The following EPB41L5 variants were observed in gnomAD, a reference collection of about 807,000 sequenced individuals.
The protein encoded by EPB41L5 is band 4.1-like protein 5.
In EPB41L5, 55 loss-of-function variants were observed where a neutral mutation model predicts 106.6. The observed-to-expected ratio is 0.52, with a 90% CI of 0.42 to 0.65. The LOEUF (loss-of-function observed/expected upper bound fraction) is 0.65. EPB41L5 is among the 30% of genes least tolerant of loss of function. EPB41L5 has a pLI of 0.00. For synonymous variants in EPB41L5, 297 were observed against 306.7 expected (o/e 0.97, Z 0.33); for missense variants, 871 against 882.1 (o/e 0.99, Z 0.16).
intron 3 of EPB41L5, among the ~76,000 whole-genome samples, chr2:120,054,732 C>T (rs2105260312): frequency 6.6e-6 from 1 of 152,218 alleles, no homozygotes; most frequent in East Asian, 1.9e-4. Flanking sequence ...TCCAGTGATC[C>T]TAACACCACT....
intron 3 of EPB41L5, among the ~76,000 whole-genome samples, chr2:120,050,807 T>C (rs1183233273): frequency 6.6e-6 from 1 of 152,206 alleles, no homozygotes; most frequent in Non-Finnish European, 1.5e-5. Flanking sequence ...CTTTGGTCTT[T>C]GATGATGGTG....
chr2:120,045,580 C>A lies in EPB41L5; in HGVS notation c.285+3470C>A, dbSNP rs114553796. On this transcript the variant is annotated intron_variant, in intron 3 of 24. Transcript: ENST00000263713. Reference sequence around the variant, plus strand: ...AGTACCACCATCTTGTCTCCTTAGACTGTATTCAGATAATGTTAACTGTTC... The same window carrying A: ...AGTACCACCATCTTGTCTCCTTAGAATGTATTCAGATAATGTTAACTGTTC... Among the ~76,000 whole-genome samples, 1,193 of 152,282 alleles carry A rather than the reference C, an allele frequency of 7.8e-3. 16 individuals are homozygous for A. Among genetic ancestry groups the A allele is most frequent in the African/African-American group, 0.027 (1,122 of 41,558 alleles).
chr2:120,111,114 G>A (rs543899580), intron 16 of EPB41L5, among the ~76,000 whole-genome samples: 2 of 152,194 alleles, frequency 1.3e-5, no homozygotes, highest in South Asian at 4.1e-4. Flanking sequence ...TCTGACCCGA[G>A]ATCCCATGTT....
chr2:120,091,618 A>C lies in EPB41L5; in HGVS notation c.1107A>C (p.Arg369Ser), dbSNP rs1350624281. 3.7e-6 allele frequency: 6 copies of C among 1,613,786 alleles called. No homozygotes were observed. Among genetic ancestry groups the C allele is most frequent in the Non-Finnish European group, 5.1e-6 (6 of 1,179,852 alleles). ...NKARRSTSFE[R>S]RPSKRYSRRT... ...CAAGAAGATCAACATCCTTTGAAAG[A>C]AGGCCCAGCAAACGATATTCTAGAC... The change falls in exon 13 of 25, where the codon AGA (arginine) becomes AGC (serine). Residue 369 changes from arginine to serine, a missense_variant. Coordinates refer to ENST00000263713, the MANE Select transcript of EPB41L5 (RefSeq NM_020909.4).
chr2:120,099,505 G>A (rs1490775721), intron 14 of EPB41L5, among the ~76,000 whole-genome samples: 1 of 151,760 alleles, frequency 6.6e-6, no homozygotes, highest in Non-Finnish European at 1.5e-5. Context: ...TCAGCTCACT[G>A]CAAGCTCCAC....
At chr2:120,156,106 G>A (rs1026283125) in intron 20 of EPB41L5, among the ~76,000 whole-genome samples, 2 of 152,150 alleles carry the variant, frequency 1.3e-5, no homozygotes, top group Non-Finnish European at 2.9e-5. Context: ...CATCCCCCTA[G>A]GGTCAACTTG....
At chr2:120,050,208 C>A (rs1680132540) in intron 3 of EPB41L5, among the ~76,000 whole-genome samples, 3 of 152,152 alleles carry the variant, frequency 2.0e-5, no homozygotes, top group Admixed American at 2.0e-4. Flanking sequence ...TGAATGTTGG[C>A]CTGCCTCGCT....
intron 3 of EPB41L5, among the ~76,000 whole-genome samples, chr2:120,044,858 T>G (rs911099316): frequency 3.3e-5 from 5 of 152,224 alleles, no homozygotes; most frequent in Admixed American, 2.6e-4. Flanking sequence ...TACTTCATTT[T>G]ATTTTTGCTT....
chr2:120,105,559 A>G (rs1439327220), intron 16 of EPB41L5: 1 of 985,252 alleles, frequency 1.0e-6, no homozygotes, highest in South Asian at 4.7e-5. Flanking sequence ...AGAACTGACT[A>G]ATATTTAAAG....
At position 120,136,640 on chromosome 2, in the gene EPB41L5, A is replaced by G. The variant is rs561352995; in HGVS notation, c.1599+4925A>G. On this transcript the variant is annotated intron_variant, in intron 18 of 24. Transcript: ENST00000263713. ...TAAAACTGATTTTGAGACAAAAACC[A>G]TAAAAAGACAAAGAAGGTCATTATA... 2.6e-5 allele frequency among the ~76,000 whole-genome samples: 4 copies of G among 152,224 alleles called. No individual in the cohort carries two copies. The South Asian group carries it at 8.3e-4, about 32-fold the overall frequency.
At position 120,022,358 on chromosome 2, in the gene EPB41L5, G is replaced by C. The variant is rs888949094; in HGVS notation, c.180+3094G>C. Among the ~76,000 whole-genome samples, 4 of 150,498 alleles carry C rather than the reference G, an allele frequency of 2.7e-5. No individual in the cohort carries two copies. The East Asian group carries it at 7.8e-4, about 29-fold the overall frequency. ...AACCCCCCACCCCCCGACAGGCCCT[G>C]GTGTGTGATGTTCTCCTCCCTGTGT... On this transcript the variant is annotated intron_variant, in intron 2 of 24. Transcript: ENST00000263713.
chr2:120,065,400 C>T (rs1681378024), intron 3 of EPB41L5, among the ~76,000 whole-genome samples: 1 of 151,996 alleles, frequency 6.6e-6, no homozygotes, highest in South Asian at 2.1e-4. Flanking sequence ...TGATTATAAG[C>T]AAGAGCTACT....
chr2:120,065,640 C>T (rs1681396341), intron 3 of EPB41L5, among the ~76,000 whole-genome samples: 1 of 151,830 alleles, frequency 6.6e-6, no homozygotes, highest in African/African-American at 2.4e-5. Flanking sequence ...CCTCAGCCTC[C>T]CGAGTAGCTG....
intron 2 of EPB41L5, among the ~76,000 whole-genome samples, chr2:120,028,156 G>A (rs910482003): frequency 3.3e-5 from 5 of 151,932 alleles, no homozygotes; most frequent in East Asian, 3.9e-4. Context: ...GAGCCACCGC[G>A]CCCGGCCGGA....
chr2:120,106,539 C>T (rs1684463347), intron 16 of EPB41L5: 1 of 985,248 alleles, frequency 1.0e-6, no homozygotes, highest in African/African-American at 1.7e-5. Flanking sequence ...TAATAACCTC[C>T]AGAAGCACCT....
intron 16 of EPB41L5, chr2:120,105,858 C>G (rs1684424225): frequency 3.0e-6 from 3 of 984,966 alleles, no homozygotes; most frequent in African/African-American, 1.8e-5. Context: ...ACATTTTAAG[C>G]ACAGAAGCTC....
At chr2:120,117,930 T>A (rs1685025088) in intron 16 of EPB41L5, among the ~76,000 whole-genome samples, 1 of 152,264 alleles carries the variant, frequency 6.6e-6, no homozygotes, top group Non-Finnish European at 1.5e-5. Context: ...AATTGGGATA[T>A]TAACTCTGTG....
intron 2 of EPB41L5, among the ~76,000 whole-genome samples, chr2:120,019,524 G>C (rs1206779659): frequency 6.6e-6 from 1 of 152,154 alleles, no homozygotes; most frequent in African/African-American, 2.4e-5. Context: ...GCATGAGTCT[G>C]TTTCATGTGT....
In EPB41L5 at chr2:120,123,936, G is replaced by T. The variant is rs546949771; in HGVS notation, c.1338-3752G>T. The stretch of plus-strand genomic sequence containing the variant: ...GCCTCCCAAAGTGCCTGGATTACAG[G>T]CGTGAGCCACTGCACCTGGCCTGTT... On this transcript the variant is annotated intron_variant, in intron 16 of 24. Transcript: ENST00000263713. Among the ~76,000 whole-genome samples the T allele has an allele frequency of 2.0e-5, 3 of 152,224 alleles. No individual in the cohort carries two copies. The East Asian group carries it at 5.8e-4, about 29-fold the overall frequency.
Sources: gnomAD v4.1 joint callset for allele counts (sites outside exome capture counted in the v4.1 genomes callset) on GRCh38, gnomAD v4.1.1 for gene constraint, MANE v1.5 for transcripts, NCBI Gene and HGNC (gene_info 2026-07-23, HGNC 2026-07-21) for gene names.